Variants in B3GLCT observed in about 807,000 individuals in gnomAD.
The protein encoded by B3GLCT is beta 3-glucosyltransferase.
A neutral mutation model predicts 63.4 loss-of-function variants in B3GLCT; 65 were observed. The observed-to-expected ratio is 1.03, with a 90% CI of 0.84 to 1.26. The LOEUF is 1.26. Ranked by LOEUF, B3GLCT falls within the 50% of genes most tolerant of loss-of-function variation. The pLI is 0.00. For missense variants in B3GLCT, 577 were observed against 604.8 expected (o/e 0.95, Z 0.48); for synonymous variants, 233 against 219.2 (o/e 1.06, Z -0.55).
chr13:31,244,710 C>T (rs1292734474), intron 4 of B3GLCT, among the ~76,000 whole-genome samples: 1 of 152,018 alleles, frequency 6.6e-6, no homozygotes, highest in African/African-American at 2.4e-5. Context: ...TGTAATATTA[C>T]ATCTGTTTGG....
At chr13:31,241,993 T>C (rs534249431) in intron 4 of B3GLCT, among the ~76,000 whole-genome samples, 1 of 152,334 alleles carries the variant, frequency 6.6e-6, no homozygotes, top group African/African-American at 2.4e-5. Context: ...TTTAATTTAG[T>C]GCTCATATTG....
At chr13:31,317,790 T>C in intron 13 of B3GLCT, 105 bp downstream of exon 13, 1 of 1,372,990 alleles carries the variant, frequency 7.3e-7, no homozygotes, top group Non-Finnish European at 1.0e-6. Flanking sequence ...GTGAGTACTC[T>C]GTGAATGGTG....
intron 3 of B3GLCT, among the ~76,000 whole-genome samples, chr13:31,227,077 A>G (rs1870139063): frequency 6.6e-6 from 1 of 152,116 alleles, no homozygotes; most frequent in South Asian, 2.1e-4. Context: ...TGCTTTTTTC[A>G]GCATTATGAC....
chr13:31,247,289 C>CTT (rs200720428), intron 5 of B3GLCT, among the ~76,000 whole-genome samples, 190 bp downstream of exon 5: 4 of 150,960 alleles, frequency 2.6e-5, no homozygotes, highest in Non-Finnish European at 4.4e-5. Context: ...ATAGCTTTTT[C>CTT]TTTTTTTTTG....
chr13:31,213,766 G>A (rs767805349), intron 1 of B3GLCT, among the ~76,000 whole-genome samples: 15 of 151,990 alleles, frequency 9.9e-5, no homozygotes, highest in Non-Finnish European at 1.6e-4. Context: ...AGAGTGAGGT[G>A]GATAAGGAGG....
At chr13:31,310,813 C>T (rs1362642694) in intron 12 of B3GLCT, among the ~76,000 whole-genome samples, 1 of 152,236 alleles carries the variant, frequency 6.6e-6, no homozygotes, top group Non-Finnish European at 1.5e-5. Context: ...TCCAAGTTTT[C>T]AGGCTCTGCT....
chr13:31,212,886 G>C (rs1242069414), intron 1 of B3GLCT, among the ~76,000 whole-genome samples: 1 of 152,146 alleles, frequency 6.6e-6, no homozygotes, highest in African/African-American at 2.4e-5. Context: ...CTTCTTCAGG[G>C]TTTTAAATGT....
chr13:31,217,913 G>T (rs1215375446), intron 2 of B3GLCT, among the ~76,000 whole-genome samples: 1 of 152,022 alleles, frequency 6.6e-6, no homozygotes, highest in East Asian at 1.9e-4. Context: ...GGCTACTTGG[G>T]CTCTTTTTGT....
At chr13:31,209,957 A>C (rs898531781) in intron 1 of B3GLCT, among the ~76,000 whole-genome samples, 1 of 152,170 alleles carries the variant, frequency 6.6e-6, no homozygotes, top group African/African-American at 2.4e-5. Flanking sequence ...CCTGCGTGGG[A>C]ATGGGGGTCC....
chr13:31,297,770 C>T (rs1045243585), intron 12 of B3GLCT, among the ~76,000 whole-genome samples: 2 of 152,158 alleles, frequency 1.3e-5, no homozygotes, highest in Non-Finnish European at 2.9e-5. Flanking sequence ...GGGGTTCTTA[C>T]AACCTCCTCT....
intron 13 of B3GLCT, among the ~76,000 whole-genome samples, chr13:31,318,082 GCTTA>G (rs1875147888): frequency 6.6e-6 from 1 of 152,044 alleles, no homozygotes; most frequent in African/African-American, 2.4e-5. Context: ...TAGTATAGAA[GCTTA>G]CTTAGGCAAT....
intron 12 of B3GLCT, among the ~76,000 whole-genome samples, chr13:31,295,627 G>A (rs1010378198): frequency 6.6e-6 from 1 of 152,150 alleles, no homozygotes; most frequent in Non-Finnish European, 1.5e-5. Context: ...GGGGAAAACT[G>A]CCTACTCAAG....
At chr13:31,230,933 A>G (rs1298969062) in intron 4 of B3GLCT, among the ~76,000 whole-genome samples, 1 of 152,142 alleles carries the variant, frequency 6.6e-6, no homozygotes, top group Non-Finnish European at 1.5e-5. Context: ...ACTTGAACCC[A>G]GGAGACAGAG....
chr13:31,233,033 C>T (rs1474168119), intron 4 of B3GLCT, among the ~76,000 whole-genome samples: 1 of 152,184 alleles, frequency 6.6e-6, no homozygotes, highest in African/African-American at 2.4e-5. Context: ...ATCACAAGTT[C>T]TTTGAAGGCA....
intron 7 of B3GLCT, among the ~76,000 whole-genome samples, chr13:31,266,713 A>G (rs1286925565): frequency 6.6e-6 from 1 of 152,202 alleles, no homozygotes; most frequent in African/African-American, 2.4e-5. Flanking sequence ...CCACTGAAAG[A>G]TAGCCATGTA....
In B3GLCT at chr13:31,240,522, A is replaced by G. The variant is rs139979224; in HGVS notation, c.271-6501A>G. The stretch of plus-strand genomic sequence containing the variant: ...AAAAACACCTGATTTTCATTTGTTA[A>G]GCCAGGAGAGCTAGCAAAGCCTTTC... On this transcript the variant is annotated intron_variant, in intron 4 of 14. Coordinates refer to ENST00000343307, the MANE Select transcript of B3GLCT (RefSeq NM_194318.4). Among the ~76,000 whole-genome samples the G allele has an allele frequency of 5.9e-3, 860 of 145,998 alleles. 9 individuals carry two copies. Among genetic ancestry groups the G allele is most frequent in the African/African-American group, 0.021 (821 of 39,586 alleles).
At chr13:31,210,618 C>G (rs1343722317) in intron 1 of B3GLCT, among the ~76,000 whole-genome samples, 4 of 152,230 alleles carry the variant, frequency 2.6e-5, no homozygotes, top group Admixed American at 6.5e-5. Context: ...TGCACCATCT[C>G]TCTTTCATTT....
At chr13:31,322,342 T>A (rs1327791422) in intron 13 of B3GLCT, among the ~76,000 whole-genome samples, 1 of 152,282 alleles carries the variant, frequency 6.6e-6, no homozygotes, top group East Asian at 1.9e-4. Context: ...ATCGTCTTGA[T>A]CTGCACTGTG....
chr13:31,276,679 A>T (rs1293148803), intron 9 of B3GLCT, 23 bp from the exon 10 acceptor site: 1 of 1,563,422 alleles, frequency 6.4e-7, no homozygotes, highest in Non-Finnish European at 8.8e-7. Context: ...ATATGCATAC[A>T]TTTTTTCTTT....
Sources: allele counts gnomAD v4.1 joint callset (sites outside exome capture counted in the v4.1 genomes callset), GRCh38; gene constraint gnomAD v4.1.1; transcripts MANE v1.5; gene names NCBI Gene and HGNC (gene_info 2026-07-23, HGNC 2026-07-21).